Variants in MORN2 observed in about 807,000 individuals in gnomAD.
MORN2 encodes MORN repeat containing 2.
In MORN2, 15 loss-of-function variants were observed where a neutral mutation model predicts 13.4. The observed-to-expected ratio is 1.12, with a 90% confidence interval of 0.75 to 1.72. MORN2 has a LOEUF of 1.72. Ranked by LOEUF, MORN2 falls within the 40% of genes most tolerant of loss-of-function variation. MORN2 has a pLI of 0.00. For synonymous variants in MORN2, 46 were observed against 43.6 expected (o/e 1.06, Z -0.22); for missense variants, 168 against 134.6 (o/e 1.25, Z -1.23).
chr2:38,881,677 GTCTCC>G, intron 4 of MORN2, 99 bp downstream of exon 4: 7 of 969,806 alleles, frequency 7.2e-6, no homozygotes, highest in Non-Finnish European at 8.6e-6. Context: ...TTGAGACAGA[GTCTCC>G]CTCTGTCATC....
chr2:38,880,730 G>A, intron 3 of MORN2, 24 bp downstream of exon 3: 14 of 1,548,916 alleles, frequency 9.0e-6, no homozygotes, highest in Non-Finnish European at 1.2e-5. Flanking sequence ...TTTTAATATT[G>A]GCAGTGGATA....
intron 1 of MORN2, among the ~76,000 whole-genome samples, chr2:38,876,790 T>A (rs1172869093): frequency 6.6e-6 from 1 of 152,174 alleles, no homozygotes; most frequent in Non-Finnish European, 1.5e-5. Flanking sequence ...ATACAATAGC[T>A]AATATTTACA....
intron 1 of MORN2, among the ~76,000 whole-genome samples, chr2:38,879,784 A>G (rs895613917): frequency 8.5e-5 from 13 of 152,306 alleles, no homozygotes; most frequent in Admixed American, 1.3e-4. Flanking sequence ...GTATTTTTTT[A>G]AAGGGTAGAT....
At chr2:38,877,696 G>C (rs1198606646) in intron 1 of MORN2, among the ~76,000 whole-genome samples, 2 of 152,024 alleles carry the variant, frequency 1.3e-5, no homozygotes, top group Non-Finnish European at 2.9e-5. Context: ...GCCCAGGCTG[G>C]TCTCAAACTC....
chr2:38,879,743 A>G (rs770232295), intron 1 of MORN2, among the ~76,000 whole-genome samples: 3 of 152,202 alleles, frequency 2.0e-5, no homozygotes, highest in African/African-American at 4.8e-5. Context: ...TGATAGTTGC[A>G]CAACTCTGAA....
chr2:38,877,018 C>A (rs914400147), intron 1 of MORN2, among the ~76,000 whole-genome samples: 1 of 152,150 alleles, frequency 6.6e-6, no homozygotes, highest in African/African-American at 2.4e-5. Context: ...TAGCAGTTAA[C>A]CAGGTAAAGA....
intron 1 of MORN2, among the ~76,000 whole-genome samples, chr2:38,877,116 A>G (rs1213766030): frequency 6.6e-6 from 1 of 152,140 alleles, no homozygotes; most frequent in Non-Finnish European, 1.5e-5. Flanking sequence ...TCATTAGTTA[A>G]ACACTTAGAA....
intron 3 of MORN2, among the ~76,000 whole-genome samples, chr2:38,880,928 G>A (rs1665759889): frequency 6.6e-6 from 1 of 152,144 alleles, no homozygotes; most frequent in South Asian, 2.1e-4. Flanking sequence ...ATTGAGTAAA[G>A]CTGAATCCGT....
At chr2:38,880,815 A>G (rs1288100335) in intron 3 of MORN2, 109 bp downstream of exon 3, 1 of 1,159,266 alleles carries the variant, frequency 8.6e-7, no homozygotes, top group Non-Finnish European at 1.2e-6. Flanking sequence ...AGACTATATA[A>G]TAAAAATAAC....
intron 1 of MORN2, among the ~76,000 whole-genome samples, 196 bp from the exon 2 acceptor site, chr2:38,879,983 G>C (rs1665739126): frequency 6.6e-6 from 1 of 152,192 alleles, no homozygotes; most frequent in Non-Finnish European, 1.5e-5. Context: ...ATTGGGTATA[G>C]GTCTTATGAC....
At chr2:38,876,457 T>A (rs1665625776) in intron 1 of MORN2, among the ~76,000 whole-genome samples, 1 of 152,220 alleles carries the variant, frequency 6.6e-6, no homozygotes, top group Non-Finnish European at 1.5e-5. Flanking sequence ...CTGATATGAT[T>A]ACGTTTAATG....
intron 1 of MORN2, among the ~76,000 whole-genome samples, chr2:38,879,661 A>T (rs1197968940): frequency 1.3e-5 from 2 of 152,178 alleles, no homozygotes; most frequent in Non-Finnish European, 2.9e-5. Flanking sequence ...GAGGGGAATC[A>T]TAATGGGTAA....
At chr2:38,879,970 C>T (rs1292340944) in intron 1 of MORN2, among the ~76,000 whole-genome samples, 1 of 152,108 alleles carries the variant, frequency 6.6e-6, no homozygotes, top group Non-Finnish European at 1.5e-5. Flanking sequence ...GTGCTGAAAG[C>T]ACATTGGGTA....
At chr2:38,877,231 A>C (rs1665658246) in intron 1 of MORN2, among the ~76,000 whole-genome samples, 1 of 152,196 alleles carries the variant, frequency 6.6e-6, no homozygotes, top group Non-Finnish European at 1.5e-5. Context: ...AAGCCACTGC[A>C]CTCCAGCCTG....
chr2:38,881,840 G>A (rs952653117), intron 4 of MORN2, among the ~76,000 whole-genome samples: 2 of 152,110 alleles, frequency 1.3e-5, no homozygotes, highest in African/African-American at 4.8e-5. Flanking sequence ...CAGTAGGGAC[G>A]GGGTTTCACC....
intron 1 of MORN2, among the ~76,000 whole-genome samples, chr2:38,876,536 TA>T (rs1253144036): frequency 1.1e-4 from 16 of 152,230 alleles, no homozygotes; most frequent in African/African-American, 3.9e-4. Context: ...CTGTTACTAT[TA>T]GTACTAAACA....
At chr2:38,878,339 A>G (rs1312212576) in intron 1 of MORN2, among the ~76,000 whole-genome samples, 2 of 152,036 alleles carry the variant, frequency 1.3e-5, no homozygotes, top group African/African-American at 4.8e-5. Context: ...TAACCTGTCT[A>G]GGTGTGGGAT....
At position 38,881,460 on chromosome 2, in the gene MORN2, CTT is replaced by C; in HGVS notation, c.236_237del (p.Leu79ArgfsTer9). Reference sequence around the variant, plus strand: ...CAAACAGATGAATGGTTTTGGAAGACTTGAGCATTTTTCAGGAGCAGTATATG... The same window carrying C: ...CAAACAGATGAATGGTTTTGGAAGACGAGCATTTTTCAGGAGCAGTATATG... On this transcript the variant is annotated frameshift_variant, in exon 4 of 5. Coordinates refer to ENST00000644631, the MANE Select transcript of MORN2 (RefSeq NM_001145450.3). LOFTEE classifies it high-confidence loss of function. 1 of 1,537,868 alleles carries C rather than the reference CTT, an allele frequency of 6.5e-7. No individual in the cohort carries two copies. Among genetic ancestry groups the C allele is most frequent in the Non-Finnish European group, 8.8e-7 (1 of 1,142,856 alleles).
intron 2 of MORN2, 39 bp from the exon 3 acceptor site, chr2:38,880,561 A>T: frequency 1.1e-5 from 15 of 1,363,368 alleles, no homozygotes; most frequent in Non-Finnish European, 1.5e-5. Flanking sequence ...AGACATAACT[A>T]TTCTCATTTA....
Sources: allele counts gnomAD v4.1 joint callset (sites outside exome capture counted in the v4.1 genomes callset), GRCh38; gene constraint gnomAD v4.1.1; transcripts MANE v1.5; gene names NCBI Gene and HGNC (gene_info 2026-07-23, HGNC 2026-07-21).